The following COMMD10 variants were observed in gnomAD, a reference collection of about 807,000 sequenced individuals.
COMMD10 encodes the protein COMM domain containing 10, also known as COMM domain-containing protein 10.
In COMMD10, 33 loss-of-function variants were observed where a neutral mutation model predicts 28.9. The observed-to-expected ratio is 1.14, with a 90% CI of 0.87 to 1.53. The LOEUF (loss-of-function observed/expected upper bound fraction) is 1.53, where lower values mean the gene tolerates loss of function less well. COMMD10 is among the 40% of genes most tolerant of loss of function. COMMD10 has a pLI of 0.00. For missense variants in COMMD10, 310 were observed against 233.4 expected (o/e 1.33, Z -2.14); for synonymous variants, 110 against 81.7 (o/e 1.35, Z -1.87).
chr5:116,258,815 C>T (rs889735307), intron 5 of COMMD10, among the ~76,000 whole-genome samples: 1 of 151,540 alleles, frequency 6.6e-6, no homozygotes, highest in African/African-American at 2.4e-5. Context: ...TCATCTGCCT[C>T]TCCCTGCACC....
At chr5:116,168,808 T>C (rs1020731191) in intron 5 of COMMD10, among the ~76,000 whole-genome samples, 11 of 152,128 alleles carry the variant, frequency 7.2e-5, no homozygotes, top group Admixed American at 1.3e-4. Flanking sequence ...TGTACCAGAA[T>C]CTCTGGGACA....
intron 5 of COMMD10, among the ~76,000 whole-genome samples, chr5:116,198,298 A>T (rs989449947): frequency 6.6e-6 from 1 of 152,196 alleles, no homozygotes; most frequent in African/African-American, 2.4e-5. Flanking sequence ...CATTGTATTG[A>T]CATAATTGGT....
At chr5:116,257,430 C>A (rs1470946087) in intron 5 of COMMD10, among the ~76,000 whole-genome samples, 1 of 151,540 alleles carries the variant, frequency 6.6e-6, no homozygotes, top group South Asian at 2.1e-4. Context: ...TCCAGATGTT[C>A]CACGATAAAG....
At chr5:116,095,259 T>C (rs563165500) in intron 4 of COMMD10, among the ~76,000 whole-genome samples, 1 of 152,224 alleles carries the variant, frequency 6.6e-6, no homozygotes, top group Admixed American at 6.5e-5. Flanking sequence ...ACACAGTCTA[T>C]GCATATAAGA....
rs888646557 is a variant in COMMD10 at position 116,086,237 on chromosome 5, G to A, written c.41+1144G>A. Among the ~76,000 whole-genome samples the A allele has an allele frequency of 5.9e-5, 9 of 152,210 alleles. 1 individual carries two copies. Among genetic ancestry groups the A allele is most frequent in the African/African-American group, 9.6e-5 (4 of 41,458 alleles). On this transcript the variant is annotated intron_variant, in intron 1 of 6. Coordinates refer to ENST00000274458, the MANE Select transcript of COMMD10 (RefSeq NM_016144.4). ...AGTGGGAATCAGCTTTATGTTCCCA[G>A]CCTCCTGACCCTATTTTCCTGCCTC...
At chr5:116,210,847 GTACAT>G (rs1748946027) in intron 5 of COMMD10, among the ~76,000 whole-genome samples, 1 of 151,766 alleles carries the variant, frequency 6.6e-6, no homozygotes, top group South Asian at 2.1e-4. Context: ...CTCTCACATG[GTACAT>G]TAAAAATAGA....
At chr5:116,276,550 G>A (rs1253222629) in intron 5 of COMMD10, among the ~76,000 whole-genome samples, 4 of 151,616 alleles carry the variant, frequency 2.6e-5, no homozygotes, top group Non-Finnish European at 5.9e-5. Context: ...CTTCTTAATT[G>A]TCAAAGGAAA....
intron 4 of COMMD10, among the ~76,000 whole-genome samples, chr5:116,127,602 AAG>A (rs2112762756): frequency 6.6e-6 from 1 of 152,358 alleles, no homozygotes; most frequent in African/African-American, 2.4e-5. Flanking sequence ...AGCCATAAAA[AAG>A]GATGAGTTCA....
At chr5:116,258,234 AAT>A in intron 5 of COMMD10, among the ~76,000 whole-genome samples, 2 of 151,856 alleles carry the variant, frequency 1.3e-5, no homozygotes, top group East Asian at 3.9e-4. Context: ...CTTTTCTAAC[AAT>A]GTCTTAGAAT....
At chr5:116,185,155 T>C (rs1312103256) in intron 5 of COMMD10, among the ~76,000 whole-genome samples, 1 of 152,146 alleles carries the variant, frequency 6.6e-6, no homozygotes, top group African/African-American at 2.4e-5. Context: ...CGCCCATAGA[T>C]CTTTATATTG....
chr5:116,178,322 G>A (rs1362690566), intron 5 of COMMD10, among the ~76,000 whole-genome samples: 1 of 151,938 alleles, frequency 6.6e-6, no homozygotes, highest in East Asian at 1.9e-4. Context: ...GTGATTCTAG[G>A]TTCTTTCCCA....
intron 5 of COMMD10, among the ~76,000 whole-genome samples, chr5:116,274,851 G>C (rs1212516577): frequency 6.6e-6 from 1 of 151,652 alleles, no homozygotes; most frequent in African/African-American, 2.4e-5. Context: ...GCAGTACTTT[G>C]TGTTACTATA....
At chr5:116,286,832 A>C (rs182817379) in intron 5 of COMMD10, among the ~76,000 whole-genome samples, 1 of 151,738 alleles carries the variant, frequency 6.6e-6, no homozygotes, top group Non-Finnish European at 1.5e-5. Flanking sequence ...ATGTTCTGCT[A>C]TTTTTGATTA....
intron 5 of COMMD10, among the ~76,000 whole-genome samples, chr5:116,236,324 T>G (rs1008354391): frequency 5.9e-5 from 9 of 151,740 alleles, no homozygotes; most frequent in African/African-American, 2.2e-4. Context: ...GCCAACATGG[T>G]GAAACTCTGT....
intron 5 of COMMD10, among the ~76,000 whole-genome samples, chr5:116,283,391 G>A (rs902749497): frequency 6.6e-6 from 1 of 151,120 alleles, no homozygotes; most frequent in Admixed American, 6.6e-5. Flanking sequence ...CTGTCACCCA[G>A]GCTGGAGTGC....
At chr5:116,107,041 G>T (rs994810257) in intron 4 of COMMD10, among the ~76,000 whole-genome samples, 2 of 152,112 alleles carry the variant, frequency 1.3e-5, no homozygotes, top group African/African-American at 2.4e-5. Context: ...TGGTTATTTT[G>T]CCCATTAGGG....
chr5:116,161,551 A>G (rs907152567), intron 5 of COMMD10, among the ~76,000 whole-genome samples: 4 of 152,130 alleles, frequency 2.6e-5, no homozygotes, highest in Non-Finnish European at 4.4e-5. Flanking sequence ...CAGAAGCCTT[A>G]CCAATAACAG....
rs574894248 is a variant in COMMD10 at position 116,120,284 on chromosome 5, T to C, written c.400-13784T>C. On this transcript the variant is annotated intron_variant, in intron 4 of 6. Coordinates refer to ENST00000274458, the MANE Select transcript of COMMD10 (RefSeq NM_016144.4). ...ACCAAATATCTTACGTTCTCCCTTA[T>C]TGGGAGCTAAGCTATGAGGTTGTGG... Among the ~76,000 whole-genome samples the C allele has an allele frequency of 1.0e-3, 156 of 152,250 alleles. 1 individual carries two copies. The highest frequency in any genetic ancestry group is 3.7e-3 in the African/African-American group (153 of 41,520).
intron 4 of COMMD10, among the ~76,000 whole-genome samples, chr5:116,095,261 C>T (rs115686487): frequency 0.039 from 5,916 of 152,062 alleles, 180 homozygotes; most frequent in Non-Finnish European, 0.054. Flanking sequence ...ACAGTCTATG[C>T]ATATAAGAAA....
Sources: gnomAD v4.1 joint callset for allele counts (sites outside exome capture counted in the v4.1 genomes callset) on GRCh38, gnomAD v4.1.1 for gene constraint, MANE v1.5 for transcripts, NCBI Gene and HGNC (gene_info 2026-07-23, HGNC 2026-07-21) for gene names.